The following LEPR variants were observed in gnomAD, a reference collection of about 807,000 sequenced individuals.
LEPR encodes the protein leptin receptor.
Under a neutral mutation model 114.7 loss-of-function variants are expected in LEPR, and 56 were observed. The ratio of observed to expected loss-of-function variants is 0.49; its 90% CI spans 0.39 to 0.61. The LOEUF (loss-of-function observed/expected upper bound fraction) is 0.61. LEPR is among the 20% of genes least tolerant of loss of function. The pLI, the probability that LEPR is intolerant of heterozygous loss-of-function variation, is 0.00. For missense variants in LEPR, 1,202 were observed against 1,352.9 expected, an observed-to-expected ratio of 0.89 and a Z score of 1.75; for synonymous variants, 443 against 461.4, an observed-to-expected ratio of 0.96 and a Z score of 0.51.
At chr1:65,512,759 C>G (rs1649095285) in intron 2 of LEPR, among the ~76,000 whole-genome samples, 1 of 152,092 alleles carries the variant, frequency 6.6e-6, no homozygotes, top group Non-Finnish European at 1.5e-5. Flanking sequence ...TAGATGTGAA[C>G]TGAAGGAAAA....
intron 15 of LEPR, among the ~76,000 whole-genome samples, chr1:65,616,728 T>A (rs890583477): frequency 2.0e-5 from 3 of 152,136 alleles, no homozygotes; most frequent in Non-Finnish European, 4.4e-5. Flanking sequence ...TAGCAAACCT[T>A]CTTGCATTAA....
chr1:65,576,156 A>G, intron 5 of LEPR: 1 of 174,938 alleles, frequency 5.7e-6, no homozygotes, highest in Admixed American at 5.5e-5. Flanking sequence ...TGTGAGGAGG[A>G]GCCATCACAG....
intron 1 of LEPR, among the ~76,000 whole-genome samples, chr1:65,423,593 G>A (rs1646297315): frequency 6.6e-6 from 1 of 152,062 alleles, no homozygotes; most frequent in Non-Finnish European, 1.5e-5. Flanking sequence ...TCCACACATG[G>A]GCATTTTCCA....
At chr1:65,517,859 G>T (rs2100570410) in intron 2 of LEPR, among the ~76,000 whole-genome samples, 1 of 152,214 alleles carries the variant, frequency 6.6e-6, no homozygotes, top group African/African-American at 2.4e-5. Flanking sequence ...CCTCAGTTTT[G>T]GTTTAAACCT....
At chr1:65,540,934 C>T (rs1212664125) in intron 2 of LEPR, among the ~76,000 whole-genome samples, 5 of 152,118 alleles carry the variant, frequency 3.3e-5, no homozygotes, top group South Asian at 2.1e-4. Context: ...CAGGCTCAAG[C>T]GATTCTCATG....
At chr1:65,527,716 C>T (rs940799044) in intron 2 of LEPR, among the ~76,000 whole-genome samples, 28 of 152,128 alleles carry the variant, frequency 1.8e-4, no homozygotes, top group African/African-American at 6.5e-4. Flanking sequence ...TACATTTTAA[C>T]TTATTTTCAG....
chr1:65,586,673 A>G (rs1197727241), intron 5 of LEPR, among the ~76,000 whole-genome samples: 1 of 152,020 alleles, frequency 6.6e-6, no homozygotes, highest in East Asian at 1.9e-4. Context: ...AGGCTGTACA[A>G]AAACAGGCAG....
chr1:65,598,873 A>C, intron 8 of LEPR, 69 bp downstream of exon 8: 1 of 1,606,102 alleles, frequency 6.2e-7, no homozygotes, highest in Non-Finnish European at 8.5e-7. Context: ...TGTATAGTAT[A>C]AGCATCTTAC....
chr1:65,558,197 G>A (rs1000359290), intron 2 of LEPR, among the ~76,000 whole-genome samples: 21 of 152,126 alleles, frequency 1.4e-4, no homozygotes, highest in African/African-American at 4.1e-4. Flanking sequence ...AAAAAGCAGG[G>A]AGGAATTTGT....
chr1:65,475,682 C>G (rs905931421), intron 2 of LEPR, among the ~76,000 whole-genome samples: 3 of 152,046 alleles, frequency 2.0e-5, no homozygotes, highest in East Asian at 3.9e-4. Context: ...CAATTTTGTT[C>G]TATATGCAGT....
intron 2 of LEPR, among the ~76,000 whole-genome samples, chr1:65,481,894 T>G (rs1270131160): frequency 1.3e-5 from 2 of 149,696 alleles, no homozygotes; most frequent in Non-Finnish European, 3.0e-5. Context: ...AGTATAAGAA[T>G]TAGAAGAAAA....
At position 65,639,994 on chromosome 1, in the gene LEPR, A is replaced by C. The variant is rs1049677021; in HGVS notation, c.*2979A>C. The C allele has an allele frequency of 6.6e-6, 1 of 152,168 alleles. No homozygotes were observed. The highest frequency in any genetic ancestry group is 1.5e-5 in the Non-Finnish European group (1 of 68,026). 9.4% of individuals were successfully genotyped at this position (152,168 alleles called of 1,614,324 possible). ...TTTTAAACCTAGTCACCAAATGGTA[A>C]AAGGACTTGGATGAAATTCCAATAC... On this transcript the variant is annotated 3_prime_UTR_variant, in exon 20 of 20. Transcript: ENST00000349533.
chr1:65,548,817 T>G (rs974789494), intron 2 of LEPR, among the ~76,000 whole-genome samples: 7 of 152,204 alleles, frequency 4.6e-5, no homozygotes, highest in Admixed American at 2.6e-4. Context: ...CATTTAAAGT[T>G]AATATCGTTA....
intron 3 of LEPR, among the ~76,000 whole-genome samples, chr1:65,566,328 G>A (rs1012649471): frequency 3.3e-5 from 5 of 150,204 alleles, no homozygotes; most frequent in Non-Finnish European, 5.9e-5. Flanking sequence ...TCAGCCTCTC[G>A]AGTAGCTGGG....
intron 1 of LEPR, among the ~76,000 whole-genome samples, chr1:65,423,635 A>C (rs1646298212): frequency 6.6e-6 from 1 of 152,196 alleles, no homozygotes; most frequent in African/African-American, 2.4e-5. Context: ...AGATATGTTA[A>C]AATTGACAGT....
At position 65,640,299 on chromosome 1, in the gene LEPR, A is replaced by G. The variant is rs768536683; in HGVS notation, c.*3284A>G. ...AACCACAAAGTTCCATCTCACTTAG[A>G]TGTGGATGAAAAAAGATCTCTTGCT... On this transcript the variant is annotated 3_prime_UTR_variant, in exon 20 of 20. Transcript: ENST00000349533. 5 of 152,168 alleles carry G rather than the reference A, an allele frequency of 3.3e-5. No homozygotes were observed. Among genetic ancestry groups the G allele is most frequent in the Non-Finnish European group, 7.3e-5 (5 of 68,030 alleles). 9.4% of individuals were successfully genotyped at this position (152,168 alleles called of 1,614,324 possible).
At chr1:65,608,507 A>G (rs974936775) in intron 11 of LEPR, among the ~76,000 whole-genome samples, 1 of 152,180 alleles carries the variant, frequency 6.6e-6, no homozygotes, top group Non-Finnish European at 1.5e-5. Flanking sequence ...TACTACTACT[A>G]GCTTTCAGAG....
intron 10 of LEPR, among the ~76,000 whole-genome samples, chr1:65,604,167 G>A (rs1656650110): frequency 1.3e-5 from 2 of 151,802 alleles, no homozygotes; most frequent in Non-Finnish European, 2.9e-5. Flanking sequence ...TCTTTTTAGA[G>A]TATTTATTTC....
At chr1:65,545,989 G>GT (rs1651679792) in intron 2 of LEPR, among the ~76,000 whole-genome samples, 1 of 151,484 alleles carries the variant, frequency 6.6e-6, no homozygotes, top group Non-Finnish European at 1.5e-5. Context: ...TTTGTATAAG[G>GT]TGTAAGGAAG....
Sources: gnomAD v4.1 joint callset for allele counts (sites outside exome capture counted in the v4.1 genomes callset) on GRCh38, gnomAD v4.1.1 for gene constraint, MANE v1.5 for transcripts, NCBI Gene and HGNC (gene_info 2026-07-23, HGNC 2026-07-21) for gene names.